Variants in SIK2 observed in about 807,000 individuals in gnomAD.
SIK2 encodes salt inducible kinase 2.
Under a neutral mutation model 103.2 loss-of-function variants are expected in SIK2, and 29 were observed. That is an observed-to-expected ratio of 0.28 (90% CI 0.21 to 0.38). The LOEUF (loss-of-function observed/expected upper bound fraction) is 0.38, where lower values mean the gene tolerates loss of function less well. Among genes scored for constraint, SIK2 ranks in the 10% least tolerant of loss-of-function variants. The pLI, the probability that SIK2 is intolerant of heterozygous loss-of-function variation, is 1.00. For missense variants in SIK2, 879 were observed against 1,171.0 expected, an observed-to-expected ratio of 0.75 and a Z score of 3.64; for synonymous variants, 412 against 446.1, an observed-to-expected ratio of 0.92 and a Z score of 0.96.
intron 3 of SIK2, among the ~76,000 whole-genome samples, chr11:111,629,328 A>G (rs906039147): frequency 6.6e-6 from 1 of 152,204 alleles, no homozygotes; most frequent in African/African-American, 2.4e-5. Context: ...AATAAGCAAC[A>G]GACTCTGGAT....
chr11:111,686,256 C>T (rs1942844415), intron 3 of SIK2, among the ~76,000 whole-genome samples: 1 of 152,096 alleles, frequency 6.6e-6, no homozygotes, highest in Non-Finnish European at 1.5e-5. Flanking sequence ...GCCCGGGCAA[C>T]ATGGTGAAAC....
rs1943918836 is a variant in SIK2, at chr11:111,724,827, A to AAT, written c.*702_*703dup. 1 of 152,404 alleles carries AAT rather than the reference A, an allele frequency of 6.6e-6. No homozygotes were observed. The highest frequency in any genetic ancestry group is 2.4e-5 in the African/African-American group (1 of 41,450). The allele number at this position is 152,404 out of a possible 1,614,324, so 9.4% of individuals were successfully genotyped here. ...GGTGCCCTGGGTTGCCGAGTGTCAG[A>AAT]ATATACTCAGGACTCCAGAGGTGTC... On this transcript the variant is annotated 3_prime_UTR_variant, in exon 15 of 15. Transcript: ENST00000304987.
intron 3 of SIK2, among the ~76,000 whole-genome samples, chr11:111,680,981 G>C (rs558583028): frequency 1.3e-5 from 2 of 152,312 alleles, no homozygotes; most frequent in South Asian, 4.1e-4. Context: ...CTGACTGTAA[G>C]ATGATAGTTA....
At chr11:111,691,552 T>C (rs1286844199) in intron 4 of SIK2, among the ~76,000 whole-genome samples, 1 of 152,214 alleles carries the variant, frequency 6.6e-6, no homozygotes, top group Non-Finnish European at 1.5e-5. Context: ...CATTTTGTCA[T>C]TTCCAAGCAT....
In SIK2 at chr11:111,630,925, G is replaced by A. The variant is rs1250079306; in HGVS notation, c.316+10523G>A. 2.0e-5 allele frequency among the ~76,000 whole-genome samples: 3 copies of A among 152,078 alleles called. No individual in the cohort carries two copies. In the East Asian group the frequency reaches 5.8e-4, roughly 29 times the overall value. ...ATTGAGGGGTAATAGGGTCTACATA[G>A]GATTCAGTATTATGTAATGGTTTTG... On this transcript the variant is annotated intron_variant, in intron 3 of 14. Transcript: ENST00000304987.
chr11:111,609,352 C>T (rs1380795057), intron 1 of SIK2, among the ~76,000 whole-genome samples: 1 of 151,816 alleles, frequency 6.6e-6, no homozygotes, highest in Admixed American at 6.6e-5. Flanking sequence ...GACAGGGTCT[C>T]ACTCTGTCAC....
At chr11:111,713,792 C>G (rs1253635153) in intron 9 of SIK2, among the ~76,000 whole-genome samples, 1 of 152,128 alleles carries the variant, frequency 6.6e-6, no homozygotes, top group Non-Finnish European at 1.5e-5. Context: ...CATGGCGAAA[C>G]TCCGTCTCTA....
chr11:111,721,998 G>A (rs1943816949), intron 13 of SIK2, 58 bp downstream of exon 13: 11 of 1,368,566 alleles, frequency 8.0e-6, no homozygotes, highest in Admixed American at 2.4e-5. Context: ...CTGTTCTTCT[G>A]CAAAGCAGAA....
At chr11:111,708,217 A>G (rs1236657953) in intron 8 of SIK2, among the ~76,000 whole-genome samples, 1 of 152,096 alleles carries the variant, frequency 6.6e-6, no homozygotes, top group Non-Finnish European at 1.5e-5. Context: ...TGCCATCTCT[A>G]CTAAAAACAA....
chr11:111,674,628 A>G (rs992310729), intron 3 of SIK2, among the ~76,000 whole-genome samples: 2 of 152,350 alleles, frequency 1.3e-5, no homozygotes, highest in African/African-American at 4.8e-5. Flanking sequence ...AAAATACCAC[A>G]ATCGTAAATT....
chr11:111,657,838 G>T (rs1213508414), intron 3 of SIK2, among the ~76,000 whole-genome samples: 2 of 152,128 alleles, frequency 1.3e-5, no homozygotes, highest in Non-Finnish European at 2.9e-5. Flanking sequence ...GTTCAGGTTG[G>T]CTAGAGCAAA....
At chr11:111,694,863 C>T (rs543711766) in intron 4 of SIK2, among the ~76,000 whole-genome samples, 1 of 151,938 alleles carries the variant, frequency 6.6e-6, no homozygotes, top group Non-Finnish European at 1.5e-5. Flanking sequence ...TATTTATTTG[C>T]TTCTTAGCTC....
At chr11:111,697,507 A>G (rs1359138088) in intron 4 of SIK2, among the ~76,000 whole-genome samples, 3 of 152,194 alleles carry the variant, frequency 2.0e-5, no homozygotes, top group Admixed American at 2.0e-4. Context: ...ATCGCAATAT[A>G]ATATCTATTT....
At chr11:111,620,043 T>A (rs961654869) in intron 2 of SIK2, among the ~76,000 whole-genome samples, 1 of 152,230 alleles carries the variant, frequency 6.6e-6, no homozygotes, top group Non-Finnish European at 1.5e-5. Flanking sequence ...TTTGTTAAAA[T>A]GTAAATTCCA....
chr11:111,715,320 C>G (rs1318622230), intron 9 of SIK2, among the ~76,000 whole-genome samples: 18 of 152,200 alleles, frequency 1.2e-4, no homozygotes, highest in Admixed American at 9.8e-4. Flanking sequence ...CACACACACA[C>G]AGAAAAACTT....
chr11:111,607,962 C>T (rs1332808663), intron 1 of SIK2, among the ~76,000 whole-genome samples: 1 of 152,164 alleles, frequency 6.6e-6, no homozygotes, highest in African/African-American at 2.4e-5. Flanking sequence ...ACTGGCCTAT[C>T]TTCTTGGATT....
Position 111,616,318 on chromosome 11 carries a change from A to G in SIK2, c.211A>G (p.Met71Val), listed in dbSNP as rs1941805592. 6.2e-7 allele frequency: 1 copy of G among 1,613,606 alleles called. No homozygotes were observed. Among genetic ancestry groups the G allele is most frequent in the Non-Finnish European group, 8.5e-7 (1 of 1,179,644 alleles). Residue 71 changes from methionine (M) to valine (V), a missense_variant, in exon 2 of 15, where the codon ATG becomes GTG. By Grantham distance (21) the Met-to-Val change is conservative. Transcript: ENST00000304987. ...GAAAATCTACCGAGAAGTACAAATA[A>G]TGAAAATGTTAGACCACCCTCACAT... ...LEKIYREVQI[M>V]KMLDHPHIIK...
intron 3 of SIK2, among the ~76,000 whole-genome samples, chr11:111,647,216 A>G (rs1942268876): frequency 2.0e-5 from 3 of 152,192 alleles, no homozygotes; most frequent in Admixed American, 1.3e-4. Flanking sequence ...TTTCACTATT[A>G]TAAACAGCAT....
chr11:111,695,116 CTCATT>C (rs1411353198), intron 4 of SIK2, among the ~76,000 whole-genome samples: 1 of 152,222 alleles, frequency 6.6e-6, no homozygotes, highest in East Asian at 1.9e-4. Flanking sequence ...CTCTCCACCT[CTCATT>C]TGTCAGCTTT....
Sources: gnomAD v4.1 joint callset for allele counts (sites outside exome capture counted in the v4.1 genomes callset) on GRCh38, gnomAD v4.1.1 for gene constraint, MANE v1.5 for transcripts, NCBI Gene and HGNC (gene_info 2026-07-23, HGNC 2026-07-21) for gene names.